Variants in PRR12 observed in about 807,000 individuals in gnomAD.
PRR12 encodes the protein proline-rich protein 12.
PRR12 carries 12 observed loss-of-function variants against 138.0 expected under a neutral mutation model. The observed-to-expected ratio is 0.09, with a 90% confidence interval of 0.06 to 0.14. PRR12 has a LOEUF of 0.14. Ranked by LOEUF, PRR12 falls within the 10% of genes least tolerant of loss-of-function variation. PRR12 has a pLI of 1.00. For synonymous variants in PRR12, 1,567 were observed against 1,291.7 expected, an observed-to-expected ratio of 1.21 and a Z score of -4.57; for missense variants, 2,692 against 2,861.3, an observed-to-expected ratio of 0.94 and a Z score of 1.35.
In PRR12 at chr19:49,595,116, T is replaced by C; in HGVS notation, c.781T>C (p.Ser261Pro). The change falls in exon 4 of 14, where the codon TCC becomes CCC. Residue 261 changes from serine to proline, a missense_variant. Around this residue, in one of 11 missense-constraint regions of PRR12, gnomAD observed 523 missense variants for 496.4 expected, o/e 1.05. Coordinates refer to ENST00000418929, the MANE Select transcript of PRR12 (RefSeq NM_020719.3). ...SSAAAAAAEQSSPQLYNFSGA... is the reference protein window; with the variant it reads ...SSAAAAAAEQPSPQLYNFSGA... ...CGCTGCCGCCGCCGCTGCCGAGCAG[T>C]CCTCCCCACAGCTCTATAACTTCTC... is the stretch of plus-strand genomic sequence containing the variant. 1 of 1,611,108 alleles carries C rather than the reference T, an allele frequency of 6.2e-7. No individual in the cohort carries two copies. The highest frequency in any genetic ancestry group is 8.5e-7 in the Non-Finnish European group (1 of 1,179,508).
chr19:49,606,796 GCCA>G (rs1332883816), intron 6 of PRR12, among the ~76,000 whole-genome samples: 2 of 151,540 alleles, frequency 1.3e-5, no homozygotes, highest in Admixed American at 6.6e-5. Flanking sequence ...ACAGGCACCT[GCCA>G]CCATGCCTGG....
rs2080723561 is a variant in PRR12, at chr19:49,591,353, G to A, written c.-302G>A. Among the ~76,000 whole-genome samples, 1 of 147,546 alleles carries A rather than the reference G, an allele frequency of 6.8e-6. No individual in the cohort carries two copies. Among genetic ancestry groups the A allele is most frequent in the Admixed American group, 6.7e-5 (1 of 14,990 alleles). On this transcript the variant is annotated 5_prime_UTR_variant, in exon 1 of 14. Coordinates refer to ENST00000418929, the MANE Select transcript of PRR12 (RefSeq NM_020719.3). ...CCCCCCTTTTCTCTCGCAAGCGCCGGGGCAAAGGCGGAGACAGCGGGGTCC... is the reference window on the plus strand; with the variant it reads ...CCCCCCTTTTCTCTCGCAAGCGCCGAGGCAAAGGCGGAGACAGCGGGGTCC...
rs1481647587 is a variant in PRR12, at chr19:49,614,740, C to T, written c.4890+91C>T. ...CCCTTAGTGTGGCTGTGACTCACTC[C>T]ACAGTGTATCTGGAAGGGGGCCCCC... On this transcript the variant is annotated intron_variant, in intron 7 of 13. Coordinates refer to ENST00000418929, the MANE Select transcript of PRR12 (RefSeq NM_020719.3). The surrounding 1 kb of genome is among the most constrained non-coding windows in gnomAD (Gnocchi z 5.0). 3.4e-6 allele frequency: 5 copies of T among 1,482,136 alleles called. No individual in the cohort carries two copies. Among genetic ancestry groups the T allele is most frequent in the Non-Finnish European group, 4.6e-6 (5 of 1,086,558 alleles). The allele number at this position is 1,482,136 out of a possible 1,614,324, so 91.8% of individuals were successfully genotyped here. A position where few individuals can be genotyped will look rare whatever the true frequency, so the allele number is the denominator to read the frequency against.
chr19:49,598,974 T>C (rs1419451342), intron 4 of PRR12, among the ~76,000 whole-genome samples: 1 of 152,110 alleles, frequency 6.6e-6, no homozygotes, highest in Non-Finnish European at 1.5e-5. Flanking sequence ...TGCTTTTAGT[T>C]TCTATATCCC....
chr19:49,619,232 T>TG (rs1568431394), intron 9 of PRR12, among the ~76,000 whole-genome samples: 1 of 143,362 alleles, frequency 7.0e-6, no homozygotes, highest in East Asian at 2.0e-4. Context: ...GAGTTTTTTT[T>TG]TTTTTTTTTT....
intron 6 of PRR12, among the ~76,000 whole-genome samples, chr19:49,609,826 C>T (rs2080856682): frequency 3.9e-5 from 6 of 152,074 alleles, no homozygotes; most frequent in Admixed American, 3.9e-4. Flanking sequence ...TCCATGGGTG[C>T]TGATGAAGAC....
At chr19:49,608,176 G>C (rs1200222173) in intron 6 of PRR12, among the ~76,000 whole-genome samples, 2 of 152,012 alleles carry the variant, frequency 1.3e-5, no homozygotes, top group East Asian at 1.9e-4. Context: ...CATTGGACCA[G>C]CCACATTTGA....
rs1359429732 is a variant in PRR12, at chr19:49,597,413, G to A, written c.3078G>A (p.Pro1026=). Residue 1026 remains proline, a synonymous_variant, in exon 4 of 14, where the codon CCG becomes CCA. Transcript: ENST00000418929. This position sits in a 1 kb window ranked among gnomAD's most constrained non-coding sequence, Gnocchi z 6.3. The stretch of plus-strand genomic sequence containing the variant: ...TGCCCTCCACGGTCAACGCCGAGCC[G>A]CTGGGCCTGATCCAGAGTGGCCCCC... ...PELPSTVNAE[P]LGLIQSGPHQ... is the part of the protein sequence containing the mutation. 3.3e-6 allele frequency: 5 copies of A among 1,538,002 alleles called. No homozygotes were observed. Among genetic ancestry groups the A allele is most frequent in the African/African-American group, 2.7e-5 (2 of 73,002 alleles).
intron 11 of PRR12, among the ~76,000 whole-genome samples, chr19:49,622,920 T>TAA (rs1441353920): frequency 1.2e-5 from 1 of 85,294 alleles, no homozygotes; most frequent in Non-Finnish European, 2.4e-5. Context: ...TATATATATA[T>TAA]ATATATATAG....
At chr19:49,608,229 C>T (rs1326302046) in intron 6 of PRR12, among the ~76,000 whole-genome samples, 1 of 152,088 alleles carries the variant, frequency 6.6e-6, no homozygotes, top group Non-Finnish European at 1.5e-5. Context: ...GTGGCTCAAA[C>T]CTGCAATCCC....
At chr19:49,610,651 C>T (rs1332816878) in intron 6 of PRR12, among the ~76,000 whole-genome samples, 1 of 150,262 alleles carries the variant, frequency 6.7e-6, no homozygotes, top group Non-Finnish European at 1.5e-5. Context: ...ACGCCATTCT[C>T]CTGCCTCAGC....
chr19:49,619,455 G>A (rs1236934969), intron 9 of PRR12, among the ~76,000 whole-genome samples: 1 of 144,940 alleles, frequency 6.9e-6, no homozygotes, highest in South Asian at 2.2e-4. Flanking sequence ...GGCTGGTCTC[G>A]AACTCCCGAC....
chr19:49,624,225 T>C (rs971781965), intron 11 of PRR12, among the ~76,000 whole-genome samples: 41 of 150,392 alleles, frequency 2.7e-4, no homozygotes, highest in Non-Finnish European at 7.4e-5. Context: ...CTGAGAATTC[T>C]GGGGTAGGTG....
At position 49,615,976 on chromosome 19, in the gene PRR12, C is replaced by T. The variant is rs370607406; in HGVS notation, c.5254C>T (p.Arg1752Trp). 1.6e-5 allele frequency: 25 copies of T among 1,552,666 alleles called. No individual in the cohort carries two copies. Among genetic ancestry groups the T allele is most frequent in the Non-Finnish European group, 2.0e-5 (23 of 1,147,548 alleles). ...KEKEKVTRGERPLRGERATSG... is the reference protein window; with the variant it reads ...KEKEKVTRGEWPLRGERATSG... ...GAAGGAGAAGGTGACACGTGGAGAG[C>T]GGCCATTGCGGGGTGAGCGGGCCAC... Residue 1752 changes from arginine to tryptophan, a missense_variant, in exon 9 of 14, where the codon CGG becomes TGG. By Grantham distance (101) the Arg-to-Trp change is moderately radical. Transcript: ENST00000418929.
chr19:49,611,917 C>T (rs527330900), intron 6 of PRR12, among the ~76,000 whole-genome samples: 31 of 41,256 alleles, frequency 7.5e-4, no homozygotes, highest in Admixed American at 1.8e-3. Context: ...AGCGAGACTC[C>T]GTCTCAAAAA....
In PRR12 at chr19:49,595,424, G is replaced by A. The variant is rs767640402; in HGVS notation, c.1089G>A (p.Thr363=). 1.7e-5 allele frequency: 26 copies of A among 1,546,378 alleles called. No individual in the cohort carries two copies. The highest frequency in any genetic ancestry group is 9.6e-5 in the South Asian group (8 of 83,750). Residue 363 remains threonine (T), a synonymous_variant, in exon 4 of 14, where the codon ACG becomes ACA. Coordinates refer to ENST00000418929, the MANE Select transcript of PRR12 (RefSeq NM_020719.3). ...CGGCTGGGGCATCTGGCCGGGCCAC[G>A]GGCCCTGAGGCAGCAGGGGGCGGTG... ...GATAGASGRA[T]GPEAAGGGGA...
In PRR12 at chr19:49,597,147, T is replaced by C. The variant is rs11881711; in HGVS notation, c.2812T>C (p.Leu938=). The C allele has an allele frequency of 3.3e-3, 5,052 of 1,551,730 alleles. 142 individuals carry two copies. The African/African-American group carries it at 0.06, about 18-fold the overall frequency. ...PLTSICFPDS[L]LQDEERSFFP... Reference sequence around the variant, plus strand: ...CACCTCCATCTGCTTCCCTGACTCCTTGCTCCAAGACGAGGAGCGCAGCTT... The same window carrying C: ...CACCTCCATCTGCTTCCCTGACTCCCTGCTCCAAGACGAGGAGCGCAGCTT... Residue 938 remains leucine, a synonymous_variant, in exon 4 of 14, where the codon TTG becomes CTG. Transcript: ENST00000418929. This position sits in a 1 kb window ranked among gnomAD's most constrained non-coding sequence, Gnocchi z 6.3.
intron 6 of PRR12, among the ~76,000 whole-genome samples, chr19:49,607,752 C>CCA (rs2080846209): frequency 1.3e-5 from 2 of 150,428 alleles, no homozygotes; most frequent in Non-Finnish European, 3.0e-5. Context: ...AGCGTGGTGG[C>CCA]TCACGCCTGT....
In PRR12 at chr19:49,596,061, C is replaced by T. The variant is rs1428632323; in HGVS notation, c.1726C>T (p.Arg576Cys). ...GCTCCAGTCACCGCCTGCCACCGGC[C>T]GTCCACCTGGAGTCGGCTCTCCAGG... is the stretch of plus-strand genomic sequence containing the variant. ...RPLQSPPATG[R>C]PPGVGSPGAP... The change falls in exon 4 of 14, where the codon CGT becomes TGT. Residue 576 changes from arginine to cysteine, a missense_variant. By Grantham distance (180) the Arg-to-Cys change is radical. Coordinates refer to ENST00000418929, the MANE Select transcript of PRR12 (RefSeq NM_020719.3). This position sits in a 1 kb window ranked among gnomAD's most constrained non-coding sequence, Gnocchi z 5.6. 2.2e-5 allele frequency: 36 copies of T among 1,601,538 alleles called. No individual in the cohort carries two copies. The highest frequency in any genetic ancestry group is 8.8e-5 in the South Asian group (8 of 91,090).
Sources: gnomAD v4.1 joint callset for allele counts (sites outside exome capture counted in the v4.1 genomes callset) on GRCh38, gnomAD v4.1.1 for gene constraint, gnomAD v4.1.1 regional missense constraint, Gnocchi (gnomAD v3.1) non-coding constraint, MANE v1.5 for transcripts, NCBI Gene and HGNC (gene_info 2026-07-23, HGNC 2026-07-21) for gene names.